ZBTB7A: variants seen among roughly 807,000 people sequenced by gnomAD.
ZBTB7A encodes the protein zinc finger and BTB domain containing 7A.
ZBTB7A carries 7 observed loss-of-function variants against 26.7 expected under a neutral mutation model. The observed-to-expected ratio is 0.26, with a 90% CI of 0.15 to 0.49. ZBTB7A has a LOEUF of 0.49. Ranked by LOEUF, ZBTB7A falls within the 20% of genes least tolerant of loss-of-function variation. The probability of loss-of-function intolerance (pLI) is 0.98; values close to 1 mark genes in which losing one functional copy is unlikely to be tolerated. For synonymous variants in ZBTB7A, 452 were observed against 441.0 expected (o/e 1.02, Z -0.31); for missense variants, 617 against 919.5 (o/e 0.67, Z 4.25).
At chr19:4,056,455 G>C (rs984105322) in intron 1 of ZBTB7A, among the ~76,000 whole-genome samples, 1 of 152,178 alleles carries the variant, frequency 6.6e-6, no homozygotes, top group African/African-American at 2.4e-5. Flanking sequence ...GGCCCGGCTC[G>C]GTGCTCACGC....
Position 4,059,171 on chromosome 19 carries a change from G to T in ZBTB7A, c.-15-3924C>A, listed in dbSNP as rs764881623. Among the ~76,000 whole-genome samples, 22 of 152,186 alleles carry T rather than the reference G, an allele frequency of 1.4e-4. 1 individual carries two copies. The South Asian group carries it at 2.1e-3, about 14-fold the overall frequency. ...CCTCCTACCCACCCCAGCATGGGGGGAGACCTCTGACCCAGGCCACCAACG... is the reference window on the plus strand; with the variant it reads ...CCTCCTACCCACCCCAGCATGGGGGTAGACCTCTGACCCAGGCCACCAACG... On this transcript the variant is annotated intron_variant, in intron 1 of 2. Transcript: ENST00000322357.
chr19:4,065,058 C>T (rs2145012284), intron 1 of ZBTB7A, among the ~76,000 whole-genome samples: 1 of 151,858 alleles, frequency 6.6e-6, no homozygotes, highest in South Asian at 2.1e-4. Context: ...GCTGGGTCTC[C>T]CGCCCGGGAG....
At position 4,054,530 on chromosome 19, in the gene ZBTB7A, C is replaced by T; in HGVS notation, c.703G>A (p.Asp235Asn). 1 of 1,442,688 alleles carries T rather than the reference C, an allele frequency of 6.9e-7. No individual in the cohort carries two copies. 89.4% of individuals were successfully genotyped at this position (1,442,688 alleles called of 1,614,324 possible). ...PAERPPTGDG[D>N]EGDSNPGLWP... The stretch of plus-strand genomic sequence containing the variant: ...AGACCCGGGTTGCTGTCGCCCTCGT[C>T]CCCGTCCCCCGTCGGGGGCCGCTCG... The change falls in exon 2 of 3, where the codon GAC (aspartate) becomes AAC (asparagine). Residue 235 changes from aspartate to asparagine, a missense_variant. This residue lies in a region of ZBTB7A where 331 missense variants were observed against 391.3 expected (regional missense o/e 0.85). Coordinates refer to ENST00000322357, the MANE Select transcript of ZBTB7A (RefSeq NM_015898.4).
In ZBTB7A at chr19:4,054,705, G is replaced by GGCC; in HGVS notation, c.525_527dup (p.Ala181dup). 6.3e-7 allele frequency: 1 copy of GGCC among 1,575,600 alleles called. No individual in the cohort carries two copies. The highest frequency in any genetic ancestry group is 8.6e-7 in the Non-Finnish European group (1 of 1,160,932). On this transcript the variant is annotated inframe_insertion, in exon 2 of 3. Transcript: ENST00000322357. Reference sequence around the variant, plus strand: ...ACGGGAAGCTGGCAGCGGCGGCGGCGGCCGCGGGGGGCAGGCTGTTCATGG... The same window carrying GGCC: ...ACGGGAAGCTGGCAGCGGCGGCGGCGGCCGCCGCGGGGGGCAGGCTGTTCATGG...
chr19:4,061,209 G>A (rs774021416), intron 1 of ZBTB7A, among the ~76,000 whole-genome samples: 2 of 152,206 alleles, frequency 1.3e-5, no homozygotes, highest in Non-Finnish European at 2.9e-5. Flanking sequence ...ATGCTATTCC[G>A]GGAATTCAGT....
Position 4,048,265 on chromosome 19 carries a change from G to A in ZBTB7A, c.1263-21C>T. On this transcript the variant is annotated intron_variant, in intron 2 of 2. Transcript: ENST00000322357. The surrounding 1 kb of genome is among the most constrained non-coding windows in gnomAD (Gnocchi z 6.7). Reference sequence around the variant, plus strand: ...CCTGCCTGTGGACGGGGCACGGGGCGGGCACGGTCAGTGGGGCCGGGGACC... The same window carrying A: ...CCTGCCTGTGGACGGGGCACGGGGCAGGCACGGTCAGTGGGGCCGGGGACC... 6.4e-7 allele frequency: 1 copy of A among 1,557,428 alleles called. No individual in the cohort carries two copies. Among genetic ancestry groups the A allele is most frequent in the African/African-American group, 1.4e-5 (1 of 71,836 alleles).
rs919231199 is a variant in ZBTB7A, at chr19:4,046,064, G to A, written c.*1688C>T. 27 of 398,952 alleles carry A rather than the reference G, an allele frequency of 6.8e-5. No homozygotes were observed. The highest frequency in any genetic ancestry group is 1.9e-4 in the African/African-American group (9 of 48,576). The allele number at this position is 398,952 out of a possible 1,614,324, so 24.7% of individuals were successfully genotyped here. A position where few individuals can be genotyped will look rare whatever the true frequency, so the allele number is the denominator to read the frequency against. On this transcript the variant is annotated 3_prime_UTR_variant, in exon 3 of 3. Transcript: ENST00000322357. ...TGCCGGATGGGGATCGGGGTGCTCC[G>A]GCTGGAAGGCCCATCCCTGAGCTAG...
At chr19:4,053,510 T>TGC (rs1568232711) in intron 2 of ZBTB7A, among the ~76,000 whole-genome samples, 1 of 49,000 alleles carries the variant, frequency 2.0e-5, no homozygotes, top group African/African-American at 4.2e-5. Context: ...TGGGTGTGCG[T>TGC]GTGTGCGTGC....
intron 1 of ZBTB7A, among the ~76,000 whole-genome samples, chr19:4,056,367 C>T (rs1439806454): frequency 6.6e-6 from 1 of 152,192 alleles, no homozygotes; most frequent in Non-Finnish European, 1.5e-5. Flanking sequence ...CCACACTGGA[C>T]GCTTAAATTT....
rs572062539 is a variant in ZBTB7A at position 4,047,971 on chromosome 19, C to A, written c.1536G>T (p.Pro512=). The change falls in exon 3 of 3, where the codon CCG becomes CCT. Residue 512 remains proline (P), a synonymous_variant. Coordinates refer to ENST00000322357, the MANE Select transcript of ZBTB7A (RefSeq NM_015898.4). ...GGGCGCCGGGGGTCGCGGTGGCCCC[C>A]GGGCTGGGGTCGGGCGCCCCGCCCC... ...RVRGGAPDPS[P]GATATPGAPA... 2.4e-6 allele frequency: 3 copies of A among 1,239,124 alleles called. No individual in the cohort carries two copies. The highest frequency in any genetic ancestry group is 2.5e-5 in the South Asian group (1 of 40,158). 76.8% of individuals were successfully genotyped at this position (1,239,124 alleles called of 1,614,324 possible). A position where few individuals can be genotyped will look rare whatever the true frequency, so the allele number is the denominator to read the frequency against.
chr19:4,053,257 C>T lies in ZBTB7A; in HGVS notation c.1262+714G>A, dbSNP rs7246911. ...ATGTCTGGCCTGTGCTGTCACCCAC[C>T]GGGATGTCCACCCACAAGGGCAGGG... On this transcript the variant is annotated intron_variant, in intron 2 of 2. Transcript: ENST00000322357. Among the ~76,000 whole-genome samples, 20 of 152,344 alleles carry T rather than the reference C, an allele frequency of 1.3e-4. No individual in the cohort carries two copies. In the South Asian group the frequency reaches 3.1e-3, roughly 24 times the overall value.
At chr19:4,059,324 C>G (rs1009188874) in intron 1 of ZBTB7A, among the ~76,000 whole-genome samples, 2 of 152,104 alleles carry the variant, frequency 1.3e-5, no homozygotes, top group Non-Finnish European at 2.9e-5. Context: ...ATCCAGGTGG[C>G]TCAGCGACCT....
Position 4,048,323 on chromosome 19 carries a change from G to A in ZBTB7A, c.1263-79C>T, listed in dbSNP as rs1236736359. On this transcript the variant is annotated intron_variant, in intron 2 of 2. Coordinates refer to ENST00000322357, the MANE Select transcript of ZBTB7A (RefSeq NM_015898.4). This position sits in a 1 kb window ranked among gnomAD's most constrained non-coding sequence, Gnocchi z 6.7. ...CCCGCCCAGGGACCCTCACGGACAC[G>A]GCAGGCCCTGGATCATCACCCTTGC... 2.1e-6 allele frequency: 3 copies of A among 1,453,074 alleles called. No homozygotes were observed. The highest frequency in any genetic ancestry group is 2.7e-6 in the Non-Finnish European group (3 of 1,110,736). The allele number at this position is 1,453,074 out of a possible 1,614,324, so 90.0% of individuals were successfully genotyped here.
In ZBTB7A at chr19:4,046,678, T is replaced by A. The variant is rs1599245352; in HGVS notation, c.*1074A>T. ...TGTGGATTTTCTCTCTCTCCCCCCA[T>A]CCCTGCCATCACCAGACCCTGGGGT... On this transcript the variant is annotated 3_prime_UTR_variant, in exon 3 of 3. Transcript: ENST00000322357. 6.7e-6 allele frequency: 1 copy of A among 149,782 alleles called. No homozygotes were observed. Among genetic ancestry groups the A allele is most frequent in the Non-Finnish European group, 1.5e-5 (1 of 67,440 alleles). The allele number at this position is 149,782 out of a possible 1,614,324, so 9.3% of individuals were successfully genotyped here. A position where few individuals can be genotyped will look rare whatever the true frequency, so the allele number is the denominator to read the frequency against.
chr19:4,055,308 C>T, intron 1 of ZBTB7A, 61 bp from the exon 2 acceptor site: 2 of 1,429,340 alleles, frequency 1.4e-6, no homozygotes, highest in South Asian at 1.5e-5. Flanking sequence ...CCTGTGCCCA[C>T]TGACAAGGGC....
intron 1 of ZBTB7A, chr19:4,061,466 G>C (rs980431734): frequency 1.3e-5 from 2 of 152,096 alleles, no homozygotes; most frequent in Non-Finnish European, 2.9e-5. Context: ...CCCAGTCCTC[G>C]GCCTGGGTTT....
intron 1 of ZBTB7A, among the ~76,000 whole-genome samples, chr19:4,058,855 C>A (rs372443279): frequency 6.6e-6 from 1 of 152,230 alleles, no homozygotes; most frequent in East Asian, 1.9e-4. Flanking sequence ...AGTGCCACCA[C>A]GCTCCCCAGG....
rs1308242271 is a variant in ZBTB7A, at chr19:4,054,393, G to A, written c.840C>T (p.Ala280=). 12 of 1,408,786 alleles carry A rather than the reference G, an allele frequency of 8.5e-6. 1 individual carries two copies. The highest frequency in any genetic ancestry group is 3.1e-5 in the East Asian group (1 of 32,358). 87.3% of individuals were successfully genotyped at this position (1,408,786 alleles called of 1,614,324 possible). A position where few individuals can be genotyped will look rare whatever the true frequency, so the allele number is the denominator to read the frequency against. Reference sequence around the variant, plus strand: ...CGGGGGCCGCCTCCGACAGCGAGGCGGCCTCCTCCTCTCCGCCGCGGCCGT... The same window carrying A: ...CGGGGGCCGCCTCCGACAGCGAGGCAGCCTCCTCCTCTCCGCCGCGGCCGT... ...GHYGRGGEEE[A]ASLSEAAPEP... Residue 280 remains alanine, a synonymous_variant, in exon 2 of 3, where the codon GCC becomes GCT. Coordinates refer to ENST00000322357, the MANE Select transcript of ZBTB7A (RefSeq NM_015898.4).
In ZBTB7A at chr19:4,045,974, C is replaced by T; in HGVS notation, c.*1778G>A. 2 of 398,732 alleles carry T rather than the reference C, an allele frequency of 5.0e-6. No individual in the cohort carries two copies. The highest frequency in any genetic ancestry group is 8.8e-6 in the Non-Finnish European group (2 of 226,058). The allele number at this position is 398,732 out of a possible 1,614,324, so 24.7% of individuals were successfully genotyped here. A position where few individuals can be genotyped will look rare whatever the true frequency, so the allele number is the denominator to read the frequency against. ...CTGTCACCCACCTCAGCAGGGTAGG[C>T]GCATCCAAGGTCCAGCTCCTTGGTG... On this transcript the variant is annotated 3_prime_UTR_variant, in exon 3 of 3. Coordinates refer to ENST00000322357, the MANE Select transcript of ZBTB7A (RefSeq NM_015898.4). This position sits in a 1 kb window ranked among gnomAD's most constrained non-coding sequence, Gnocchi z 4.1.
Sources: gnomAD v4.1 joint callset for allele counts (sites outside exome capture counted in the v4.1 genomes callset) on GRCh38, gnomAD v4.1.1 for gene constraint, gnomAD v4.1.1 regional missense constraint, Gnocchi (gnomAD v3.1) non-coding constraint, MANE v1.5 for transcripts, NCBI Gene and HGNC (gene_info 2026-07-23, HGNC 2026-07-21) for gene names.